Variants in EPHX1 observed in about 807,000 individuals in gnomAD.
EPHX1 encodes epoxide hydratase.
A neutral mutation model predicts 43.2 loss-of-function variants in EPHX1; 40 were observed. The ratio of observed to expected loss-of-function variants is 0.93; its 90% CI spans 0.72 to 1.21. The LOEUF (loss-of-function observed/expected upper bound fraction) is 1.21, where lower values mean the gene tolerates loss of function less well. Ranked by LOEUF, EPHX1 falls within the 50% of genes most tolerant of loss-of-function variation. The pLI, the probability that EPHX1 is intolerant of heterozygous loss-of-function variation, is 0.00. For missense variants in EPHX1, 550 were observed against 570.4 expected (o/e 0.96, Z 0.36); for synonymous variants, 221 against 226.7 (o/e 0.98, Z 0.22).
intron 1 of EPHX1, among the ~76,000 whole-genome samples, chr1:225,814,235 T>G (rs954944149): frequency 6.6e-5 from 10 of 152,116 alleles, no homozygotes; most frequent in Non-Finnish European, 1.2e-4. Flanking sequence ...AGACCTCGTC[T>G]CTATAAAGAA....
rs1015483688 is a variant in EPHX1, at chr1:225,845,517, G to C, written c.*170G>C. 5 of 653,474 alleles carry C rather than the reference G, an allele frequency of 7.7e-6. No individual in the cohort carries two copies. The highest frequency in any genetic ancestry group is 5.4e-5 in the African/African-American group (3 of 55,058). The allele number at this position is 653,474 out of a possible 1,614,324, so 40.5% of individuals were successfully genotyped here. A position where few individuals can be genotyped will look rare whatever the true frequency, so the allele number is the denominator to read the frequency against. ...AGCTCACTCCCCAACCCCCAACTCC[G>C]TGTGGTAAGCAACATGGCTTTGATG... On this transcript the variant is annotated 3_prime_UTR_variant, in exon 9 of 9. Coordinates refer to ENST00000272167, the MANE Select transcript of EPHX1 (RefSeq NM_001136018.4).
In EPHX1 at chr1:225,844,600, C is replaced by G. The variant is rs777035990; in HGVS notation, c.1143C>G (p.Gly381=). The G allele has an allele frequency of 6.2e-7, 1 of 1,614,054 alleles. No homozygotes were observed. The highest frequency in any genetic ancestry group is 1.3e-5 in the African/African-American group (1 of 74,934). ...TCTACAAGGAGAACCTGGGACAGGG[C>G]TGGATGACCCAGAAGCATGAGCGGT... ...QRFYKENLGQ[G]WMTQKHERMK... The change falls in exon 8 of 9, where the codon GGC becomes GGG. Residue 381 remains glycine, a synonymous_variant. Coordinates refer to ENST00000272167, the MANE Select transcript of EPHX1 (RefSeq NM_001136018.4).
rs1010167647 is a variant in EPHX1 at position 225,839,313 on chromosome 1, T to C, written c.689T>C (p.Leu230Pro). The C allele has an allele frequency of 2.5e-6, 4 of 1,613,908 alleles. No homozygotes were observed. Among genetic ancestry groups the C allele is most frequent in the Admixed American group, 3.3e-5 (2 of 59,992 alleles). The stretch of plus-strand genomic sequence containing the variant: ...ATTCAAGGAGGGGACTGGGGGTCCC[T>C]GATCTGCACTAATATGGCCCAGCTG... Reference protein sequence around the residue: ...FYIQGGDWGSLICTNMAQLVP... With the variant: ...FYIQGGDWGSPICTNMAQLVP... Residue 230 changes from leucine to proline, a missense_variant, in exon 5 of 9, where the codon CTG becomes CCG. Coordinates refer to ENST00000272167, the MANE Select transcript of EPHX1 (RefSeq NM_001136018.4).
intron 3 of EPHX1, among the ~76,000 whole-genome samples, chr1:225,833,836 G>A (rs1200784343): frequency 2.0e-4 from 30 of 147,298 alleles, no homozygotes; most frequent in African/African-American, 4.5e-4. Context: ...CGTGGCTCAC[G>A]CCTGTAATCC....
In EPHX1 at chr1:225,832,040, A is replaced by ACT; in HGVS notation, c.364+81_364+82insCT. On this transcript the variant is annotated intron_variant, in intron 3 of 8. Transcript: ENST00000272167. Reference sequence around the variant, plus strand: ...TCCACAATGTGACTTACAGTCAGATAAAGTTGGAGAGATTCAGAACCCAAT... The same window carrying ACT: ...TCCACAATGTGACTTACAGTCAGATACTAAGTTGGAGAGATTCAGAACCCAAT... 8 of 1,482,354 alleles carry ACT rather than the reference A, an allele frequency of 5.4e-6. 1 individual carries two copies. The South Asian group carries it at 8.0e-5, about 15-fold the overall frequency. The allele number at this position is 1,482,354 out of a possible 1,614,324, so 91.8% of individuals were successfully genotyped here. A position where few individuals can be genotyped will look rare whatever the true frequency, so the allele number is the denominator to read the frequency against.
intron 3 of EPHX1, among the ~76,000 whole-genome samples, chr1:225,837,100 T>C (rs373318605): frequency 0.015 from 2,239 of 152,308 alleles, 65 homozygotes; most frequent in African/African-American, 0.051. Context: ...TCTGGATTCT[T>C]TGCAGTTTTT....
At chr1:225,843,427 G>C (rs1276119611) in intron 7 of EPHX1, among the ~76,000 whole-genome samples, 3 of 152,212 alleles carry the variant, frequency 2.0e-5, no homozygotes, top group Admixed American at 6.5e-5. Context: ...ATTCCTGCAG[G>C]CAGGTCCTCA....
chr1:225,826,085 T>G (rs2102707036), intron 1 of EPHX1, among the ~76,000 whole-genome samples: 1 of 152,274 alleles, frequency 6.6e-6, no homozygotes, highest in South Asian at 2.1e-4. Context: ...GTTTTTATTG[T>G]GGGAGTGTGG....
At chr1:225,820,705 T>C (rs1404438601) in intron 1 of EPHX1, among the ~76,000 whole-genome samples, 1 of 152,110 alleles carries the variant, frequency 6.6e-6, no homozygotes, top group Non-Finnish European at 1.5e-5. Context: ...TTTCTCCTGG[T>C]AAACTCCTAT....
At chr1:225,829,311 T>G (rs778213800) in intron 2 of EPHX1, among the ~76,000 whole-genome samples, 6 of 152,208 alleles carry the variant, frequency 3.9e-5, no homozygotes, top group Non-Finnish European at 8.8e-5. Context: ...ATGCTACTGG[T>G]TAGGCACCGG....
In EPHX1 at chr1:225,828,843, G is replaced by C. The variant is rs1301819477; in HGVS notation, c.114G>C (p.Thr38=). Residue 38 remains threonine (T), a synonymous_variant, in exon 2 of 9, where the codon ACG becomes ACC. Coordinates refer to ENST00000272167, the MANE Select transcript of EPHX1 (RefSeq NM_001136018.4). ...PLEDGWWGPG[T]RSAAREDDSI... is the part of the protein sequence containing the mutation. ...AAGATGGGTGGTGGGGGCCAGGCAC[G>C]AGGTCCGCAGCCAGGGAGGACGACA... 6.2e-7 allele frequency: 1 copy of C among 1,611,798 alleles called. No individual in the cohort carries two copies. Among genetic ancestry groups the C allele is most frequent in the African/African-American group, 1.3e-5 (1 of 74,952 alleles).
intron 4 of EPHX1, 29 bp downstream of exon 4, chr1:225,838,910 G>A: frequency 1.2e-6 from 2 of 1,607,428 alleles, no homozygotes; most frequent in Non-Finnish European, 1.7e-6. Flanking sequence ...TTCCATAACT[G>A]CCCCGTCCTC....
chr1:225,816,015 C>T (rs1164822576), intron 1 of EPHX1, among the ~76,000 whole-genome samples: 8 of 152,322 alleles, frequency 5.3e-5, no homozygotes, highest in Middle Eastern at 3.4e-3. Flanking sequence ...AGGACTGGCC[C>T]GGCATGGTGG....
chr1:225,824,772 CAAG>C (rs971236189), intron 1 of EPHX1, among the ~76,000 whole-genome samples: 53 of 152,288 alleles, frequency 3.5e-4, no homozygotes, highest in African/African-American at 9.6e-4. Flanking sequence ...TTGCCTGCAG[CAAG>C]AAGAAGGACT....
chr1:225,820,596 T>C (rs534410959), intron 1 of EPHX1, among the ~76,000 whole-genome samples: 10 of 152,294 alleles, frequency 6.6e-5, no homozygotes, highest in Non-Finnish European at 8.8e-5. Context: ...TATGAGACTC[T>C]TGTGTTTTTT....
chr1:225,814,454 C>T (rs1216446579), intron 1 of EPHX1, among the ~76,000 whole-genome samples: 1 of 152,244 alleles, frequency 6.6e-6, no homozygotes, highest in Non-Finnish European at 1.5e-5. Context: ...ACCCCAGTGT[C>T]ACAGCTCAGG....
chr1:225,837,190 T>A (rs1026074807), intron 3 of EPHX1, among the ~76,000 whole-genome samples: 1 of 152,186 alleles, frequency 6.6e-6, no homozygotes, highest in Non-Finnish European at 1.5e-5. Flanking sequence ...TACATGTGAG[T>A]CTTCCCCCTT....
chr1:225,838,892 G>A lies in EPHX1; in HGVS notation c.592+11G>A. 6.2e-7 allele frequency: 1 copy of A among 1,613,304 alleles called. No individual in the cohort carries two copies. Among genetic ancestry groups the A allele is most frequent in the Non-Finnish European group, 8.5e-7 (1 of 1,179,234 alleles). ...CATCCTCCAAGAAGGGTACGGGGCT[G>A]CTAGAGGTTCCATAACTGCCCCGTC... On this transcript the variant is annotated intron_variant, in intron 4 of 8. Transcript: ENST00000272167.
intron 2 of EPHX1, among the ~76,000 whole-genome samples, chr1:225,830,131 GT>G (rs1667498138): frequency 6.6e-6 from 1 of 152,194 alleles, no homozygotes; most frequent in South Asian, 2.1e-4. Context: ...ATGGATAAAA[GT>G]CATGAGAGTT....
Sources: allele counts gnomAD v4.1 joint callset (sites outside exome capture counted in the v4.1 genomes callset), GRCh38; gene constraint gnomAD v4.1.1; transcripts MANE v1.5; gene names NCBI Gene and HGNC (gene_info 2026-07-23, HGNC 2026-07-21).